TSC2: variants seen among roughly 807,000 people sequenced by gnomAD.
TSC2 encodes the protein tuberin.
In TSC2, 29 loss-of-function variants were observed where a neutral mutation model predicts 202.2. The observed-to-expected ratio is 0.14, with a 90% confidence interval of 0.11 to 0.20. The LOEUF (loss-of-function observed/expected upper bound fraction) is 0.20. Ranked by LOEUF, TSC2 falls within the 10% of genes least tolerant of loss-of-function variation. The pLI, the probability that TSC2 is intolerant of heterozygous loss-of-function variation, is 1.00. For synonymous variants in TSC2, 1,349 were observed against 1,044.0 expected, an observed-to-expected ratio of 1.29 and a Z score of -5.63; for missense variants, 2,429 against 2,420.0, an observed-to-expected ratio of 1.00 and a Z score of -0.08.
chr16:2,062,018 C>G lies in TSC2; in HGVS notation c.1257+10C>G, dbSNP rs756063576. On this transcript the variant is annotated intron_variant, in intron 12 of 41. Coordinates refer to ENST00000219476, the MANE Select transcript of TSC2 (RefSeq NM_000548.5). ...TGCGGACCAGAGGCCTGTGAGACCC[C>G]CTCCTGGGTGGGGCCTTTGGGCTTT... The G allele has an allele frequency of 2.5e-6, 4 of 1,613,854 alleles. No individual in the cohort carries two copies. In the Middle Eastern group the frequency reaches 4.9e-4, roughly 199 times the overall value.
chr16:2,056,308 G>A lies in TSC2; in HGVS notation c.648+64G>A, dbSNP rs376590558. 74 of 1,604,948 alleles carry A rather than the reference G, an allele frequency of 4.6e-5. No individual in the cohort carries two copies. In the African/African-American group the frequency reaches 8.1e-4, roughly 18 times the overall value. On this transcript the variant is annotated intron_variant, in intron 7 of 41. Coordinates refer to ENST00000219476, the MANE Select transcript of TSC2 (RefSeq NM_000548.5). Reference sequence around the variant, plus strand: ...CTGGTTTCTGGGAGGCTGGGGCTTGGGGGTTGAGCCCTGTGTGCCACCTGC... The same window carrying A: ...CTGGTTTCTGGGAGGCTGGGGCTTGAGGGTTGAGCCCTGTGTGCCACCTGC...
chr16:2,067,153 A>C (rs1391536182), intron 16 of TSC2, among the ~76,000 whole-genome samples: 1 of 145,560 alleles, frequency 6.9e-6, no homozygotes, highest in East Asian at 2.1e-4. Context: ...AGTGGTGATG[A>C]TTTTTTTTTT....
rs762173463 is a variant in TSC2 at position 2,064,407 on chromosome 16, C to G, written c.1579C>G (p.Leu527Val). 1 of 1,613,708 alleles carries G rather than the reference C, an allele frequency of 6.2e-7. No individual in the cohort carries two copies. The highest frequency in any genetic ancestry group is 8.5e-7 in the Non-Finnish European group (1 of 1,180,030). ...EGCHTHHFNS[L>V]LDIIEKVMAR... ...CTGCCACACACACCACTTCAACAGC[C>G]TGCTGGACATCATCGAGAAGGTGAG... Residue 527 changes from leucine to valine, a missense_variant, in exon 15 of 42, where the codon CTG becomes GTG. By Grantham distance (32) the Leu-to-Val change is conservative. Coordinates refer to ENST00000219476, the MANE Select transcript of TSC2 (RefSeq NM_000548.5).
chr16:2,076,473 G>A lies in TSC2; in HGVS notation c.2743-18G>A, dbSNP rs199539512. Reference sequence around the variant, plus strand: ...CCCATTGCCACCCCTCACTGTCTGGGTGTGCTCACTCTGCCAGGGCCTGCG... The same window carrying A: ...CCCATTGCCACCCCTCACTGTCTGGATGTGCTCACTCTGCCAGGGCCTGCG... On this transcript the variant is annotated intron_variant, in intron 24 of 41. Coordinates refer to ENST00000219476, the MANE Select transcript of TSC2 (RefSeq NM_000548.5). 9 of 1,613,100 alleles carry A rather than the reference G, an allele frequency of 5.6e-6. No homozygotes were observed. In the South Asian group the frequency reaches 8.8e-5, roughly 16 times the overall value.
Position 2,080,205 on chromosome 16 carries a change from C to A in TSC2, c.3438C>A (p.Ala1146=), listed in dbSNP as rs755204133. 6.2e-7 allele frequency: 1 copy of A among 1,612,990 alleles called. No homozygotes were observed. Among genetic ancestry groups the A allele is most frequent in the South Asian group, 1.1e-5 (1 of 91,092 alleles). Residue 1146 remains alanine, a synonymous_variant, in exon 30 of 42, where the codon GCC becomes GCA. Coordinates refer to ENST00000219476, the MANE Select transcript of TSC2 (RefSeq NM_000548.5). The part of the protein sequence containing the change: ...GLRVGALDVP[A]SQFLGSATSP... ...GAGTTGGCGCCCTGGACGTGCCGGC[C>A]TCCCAGTTCCTGGGCAGTGCCACTT...
In TSC2 at chr16:2,055,438, C is replaced by T. The variant is rs773662047; in HGVS notation, c.518C>T (p.Ser173Phe). ...FVLQWMDVGL[S>F]SEFLLVLVNL... ...CTGCAGTGGATGGATGTTGGCTTGT[C>T]CTCGGAATTCCTTCTGGTGCTGGTG... Residue 173 changes from serine (S) to phenylalanine (F), a missense_variant, in exon 6 of 42, where the codon TCC (serine) becomes TTC (phenylalanine). Transcript: ENST00000219476. 6.2e-7 allele frequency: 1 copy of T among 1,614,202 alleles called. No individual in the cohort carries two copies. Among genetic ancestry groups the T allele is most frequent in the Non-Finnish European group, 8.5e-7 (1 of 1,180,054 alleles).
At position 2,048,018 on chromosome 16, in the gene TSC2, G is replaced by T; in HGVS notation, c.-77G>T. 10 of 1,454,866 alleles carry T rather than the reference G, an allele frequency of 6.9e-6. No individual in the cohort carries two copies. Among genetic ancestry groups the T allele is most frequent in the African/African-American group, 1.5e-5 (1 of 68,184 alleles). The allele number at this position is 1,454,866 out of a possible 1,614,324, so 90.1% of individuals were successfully genotyped here. ...CGGCGTCCCGGGGCCAGGGGGGTGC[G>T]CCTTTCTCCGCGTCGGGGCGGCCCG... On this transcript the variant is annotated 5_prime_UTR_variant, in exon 1 of 42. Coordinates refer to ENST00000219476, the MANE Select transcript of TSC2 (RefSeq NM_000548.5).
At chr16:2,053,797 C>G in intron 4 of TSC2, 2 of 525,072 alleles carry the variant, frequency 3.8e-6, no homozygotes. Flanking sequence ...CGGGGCCACT[C>G]CCCTGCTCAC....
At chr16:2,054,536 C>G in intron 5 of TSC2, 96 bp downstream of exon 5, 2 of 1,572,080 alleles carry the variant, frequency 1.3e-6, no homozygotes, top group South Asian at 1.1e-5. Flanking sequence ...CTGCCGTTCT[C>G]AGGGATGGCC....
At chr16:2,064,120 G>A (rs970970573) in intron 14 of TSC2, 152 bp from the exon 15 acceptor site, 16 of 1,273,736 alleles carry the variant, frequency 1.3e-5, no homozygotes, top group African/African-American at 4.4e-5. Flanking sequence ...TCTGAGTCGC[G>A]CTCAGCGGGT....
In TSC2 at chr16:2,087,845, T is replaced by C. The variant is rs1383415173; in HGVS notation, c.4990-18T>C. The C allele has an allele frequency of 1.2e-6, 2 of 1,612,060 alleles. No homozygotes were observed. The highest frequency in any genetic ancestry group is 1.7e-6 in the Non-Finnish European group (2 of 1,179,762). ...CACACGCTGTGTGCGGGGATGACCC[T>C]TTCTCTTGTCCGGGCAGGGCCAGTT... On this transcript the variant is annotated intron_variant, in intron 38 of 41. Transcript: ENST00000219476.
Position 2,070,438 on chromosome 16 carries a change from T to G in TSC2, c.1717-18T>G. On this transcript the variant is annotated intron_variant, in intron 16 of 41. Coordinates refer to ENST00000219476, the MANE Select transcript of TSC2 (RefSeq NM_000548.5). Reference sequence around the variant, plus strand: ...TTTCACCTCCTGCGCCGTGGTGAGCTGCGTCCTCTCTCTGCAGACCAAGCT... The same window carrying G: ...TTTCACCTCCTGCGCCGTGGTGAGCGGCGTCCTCTCTCTGCAGACCAAGCT... 4 of 1,613,308 alleles carry G rather than the reference T, an allele frequency of 2.5e-6. No homozygotes were observed. The highest frequency in any genetic ancestry group is 3.4e-6 in the Non-Finnish European group (4 of 1,180,028).
At chr16:2,083,529 A>T in intron 32 of TSC2, 166 bp from the exon 33 acceptor site, 2 of 1,233,862 alleles carry the variant, frequency 1.6e-6, no homozygotes, top group Non-Finnish European at 2.3e-6. Context: ...AGGCCTTCCC[A>T]GCGTCCTCCC....
At chr16:2,078,811 A>C (rs1286983830) in intron 26 of TSC2, 6 of 620,798 alleles carry the variant, frequency 9.7e-6, no homozygotes, top group African/African-American at 7.3e-5. Context: ...GTCTGCTCCG[A>C]CCAGTAGGCC....
chr16:2,088,161 C>G (rs748655720), intron 40 of TSC2, 22 bp downstream of exon 40: 1 of 1,612,998 alleles, frequency 6.2e-7, no homozygotes, highest in East Asian at 2.2e-5. Flanking sequence ...TGGGTCCAGG[C>G]GTGAGCTGGT....
intron 32 of TSC2, chr16:2,083,272 G>A (rs1264536899): frequency 2.2e-6 from 1 of 459,454 alleles, no homozygotes; most frequent in Non-Finnish European, 4.4e-6. Context: ...TCTGCTCTTG[G>A]GAGCAGTCTG....
chr16:2,086,814 C>T lies in TSC2; in HGVS notation c.4932C>T (p.Asp1644=), dbSNP rs1395198412. The T allele has an allele frequency of 6.2e-7, 1 of 1,610,442 alleles. No homozygotes were observed. ...RCDKKRHLGN[D]FVSIVYNDSG... is the part of the protein sequence containing the mutation. Reference sequence around the variant, plus strand: ...ACAAGAAGCGCCACCTGGGCAACGACTTTGTGTCCATTGTCTACAATGACT... The same window carrying T: ...ACAAGAAGCGCCACCTGGGCAACGATTTTGTGTCCATTGTCTACAATGACT... The change falls in exon 38 of 42, where the codon GAC becomes GAT. Residue 1644 remains aspartate, a synonymous_variant. Coordinates refer to ENST00000219476, the MANE Select transcript of TSC2 (RefSeq NM_000548.5).
chr16:2,086,897 T>G (rs1215297689), intron 38 of TSC2, 26 bp downstream of exon 38: 28 of 1,561,946 alleles, frequency 1.8e-5, no homozygotes, highest in Non-Finnish European at 2.4e-5. Flanking sequence ...TCAGTGAGGC[T>G]GGGCCCCAGG....
In TSC2 at chr16:2,058,780, A is replaced by T. The variant is rs956256043; in HGVS notation, c.882A>T (p.Gly294=). 1 of 1,592,356 alleles carries T rather than the reference A, an allele frequency of 6.3e-7. No individual in the cohort carries two copies. The highest frequency in any genetic ancestry group is 8.6e-7 in the Non-Finnish European group (1 of 1,169,270). ...AYMEDAPLLR[G]AVFFVGMALW... ...TGGAGGACGCGCCCCTGCTGAGAGG[A>T]GCCGTGTTTTTTGTGGGCATGGCTC... Residue 294 remains glycine, a synonymous_variant, in exon 10 of 42, where the codon GGA becomes GGT. Coordinates refer to ENST00000219476, the MANE Select transcript of TSC2 (RefSeq NM_000548.5).
Sources: gnomAD v4.1 joint callset for allele counts (sites outside exome capture counted in the v4.1 genomes callset) on GRCh38, gnomAD v4.1.1 for gene constraint, MANE v1.5 for transcripts, NCBI Gene and HGNC (gene_info 2026-07-23, HGNC 2026-07-21) for gene names.